Variants in C11orf97 observed in about 807,000 individuals in gnomAD.
The protein encoded by C11orf97 is uncharacterized protein C11orf97.
C11orf97 carries 15 observed loss-of-function variants against 16.2 expected under a neutral mutation model. The ratio of observed to expected loss-of-function variants is 0.93; its 90% CI spans 0.62 to 1.43. C11orf97 has a LOEUF of 1.43. Among genes scored for constraint, C11orf97 ranks in the 40% most tolerant of loss-of-function variants. The pLI is 0.00. For synonymous variants in C11orf97, 61 were observed against 65.7 expected (o/e 0.93, Z 0.34); for missense variants, 171 against 161.2 (o/e 1.06, Z -0.33).
At chr11:94,520,173 T>C (rs1238458267) in intron 2 of C11orf97, among the ~76,000 whole-genome samples, 4 of 152,242 alleles carry the variant, frequency 2.6e-5, no homozygotes, top group African/African-American at 4.8e-5. Flanking sequence ...CTTTCCAAGA[T>C]TGCAAATAGC....
Position 94,525,745 on chromosome 11 carries a change from T to C in C11orf97, c.251-2339T>C, listed in dbSNP as rs555191529. 5.6e-4 allele frequency among the ~76,000 whole-genome samples: 85 copies of C among 152,324 alleles called. 1 individual carries two copies. Among genetic ancestry groups the C allele is most frequent in the African/African-American group, 2.0e-3 (84 of 41,574 alleles). ...TTGCACAAGAGAAGTACAGACGATATGGCTCTAAACTGGATTTTCAAGCTC... is the reference window on the plus strand; with the variant it reads ...TTGCACAAGAGAAGTACAGACGATACGGCTCTAAACTGGATTTTCAAGCTC... On this transcript the variant is annotated intron_variant, in intron 2 of 3. Coordinates refer to ENST00000542198, the MANE Select transcript of C11orf97 (RefSeq NM_001190462.2).
chr11:94,528,874 A>G (rs2135185912), intron 3 of C11orf97, among the ~76,000 whole-genome samples: 1 of 152,270 alleles, frequency 6.6e-6, no homozygotes, highest in African/African-American at 2.4e-5. Context: ...CAATTGGGAG[A>G]TTACCCTGGG....
chr11:94,515,414 C>T (rs933474865), intron 1 of C11orf97, among the ~76,000 whole-genome samples: 1 of 152,080 alleles, frequency 6.6e-6, no homozygotes, highest in Admixed American at 6.5e-5. Context: ...AGCTTCTCAT[C>T]CTCTATACAC....
intron 2 of C11orf97, among the ~76,000 whole-genome samples, chr11:94,527,215 T>C (rs777153448): frequency 1.1e-4 from 17 of 152,328 alleles, no homozygotes; most frequent in Middle Eastern, 3.4e-3. Context: ...AATTACTTGC[T>C]ATGGAATCCT....
intron 2 of C11orf97, among the ~76,000 whole-genome samples, chr11:94,525,056 C>G (rs1591749276): frequency 1.4e-5 from 2 of 140,588 alleles, no homozygotes; most frequent in East Asian, 2.1e-4. Flanking sequence ...AAGACTCCAT[C>G]TCAAGAAAAA....
intron 3 of C11orf97, among the ~76,000 whole-genome samples, chr11:94,528,833 G>T (rs1947718300): frequency 1.3e-5 from 2 of 152,180 alleles, no homozygotes; most frequent in South Asian, 4.1e-4. Flanking sequence ...GGGACATGCA[G>T]CTGTGTATAT....
intron 2 of C11orf97, among the ~76,000 whole-genome samples, chr11:94,527,206 A>C (rs961912830): frequency 1.3e-5 from 2 of 152,220 alleles, no homozygotes; most frequent in Non-Finnish European, 2.9e-5. Flanking sequence ...GCTGCTAGTA[A>C]TTACTTGCTA....
intron 1 of C11orf97, among the ~76,000 whole-genome samples, chr11:94,516,637 G>T (rs1209398641): frequency 6.6e-6 from 1 of 151,720 alleles, no homozygotes; most frequent in East Asian, 1.9e-4. Context: ...ATAAAAAAAT[G>T]AAGCTGTATC....
rs10560506 is a variant in C11orf97 at position 94,512,944 on chromosome 11, AACACAC to A, written c.145+289_145+294del. On this transcript the variant is annotated intron_variant, in intron 1 of 3. Transcript: ENST00000542198. ...TAGTGGCGTTATTCTGAAAGGAATTAACACACACACACACACACACACATTTATATG... is the reference window on the plus strand; with the variant it reads ...TAGTGGCGTTATTCTGAAAGGAATTAACACACACACACACACATTTATATG... Among the ~76,000 whole-genome samples the A allele has an allele frequency of 3.0e-4, 45 of 150,780 alleles. No individual in the cohort carries two copies. In the East Asian group the frequency reaches 8.0e-3, roughly 27 times the overall value.
intron 2 of C11orf97, among the ~76,000 whole-genome samples, chr11:94,523,427 G>A (rs899772204): frequency 2.0e-5 from 3 of 152,254 alleles, no homozygotes; most frequent in Middle Eastern, 3.2e-3. Flanking sequence ...TGAGATTTCA[G>A]TAAGAGTCCA....
chr11:94,519,133 C>G (rs552894222), intron 2 of C11orf97, among the ~76,000 whole-genome samples: 4 of 152,262 alleles, frequency 2.6e-5, no homozygotes, highest in Non-Finnish European at 5.9e-5. Flanking sequence ...TGGTCTTGAA[C>G]TCCTGACCTC....
At chr11:94,519,483 A>C (rs1947639674) in intron 2 of C11orf97, among the ~76,000 whole-genome samples, 1 of 152,196 alleles carries the variant, frequency 6.6e-6, no homozygotes, top group South Asian at 2.1e-4. Flanking sequence ...TTGTTTTAAA[A>C]ATCTACATAA....
intron 3 of C11orf97, among the ~76,000 whole-genome samples, chr11:94,530,043 A>C (rs1421845029): frequency 6.6e-6 from 1 of 152,230 alleles, no homozygotes; most frequent in Non-Finnish European, 1.5e-5. Context: ...ATTGAATAAC[A>C]AATTTCCTTT....
At chr11:94,517,041 G>A (rs1416234903) in intron 1 of C11orf97, among the ~76,000 whole-genome samples, 1 of 152,222 alleles carries the variant, frequency 6.6e-6, no homozygotes, top group Non-Finnish European at 1.5e-5. Context: ...GACTGTAGTA[G>A]TCATGTCCTA....
chr11:94,512,810 A>G (rs988982233), intron 1 of C11orf97, 137 bp downstream of exon 1: 2 of 950,830 alleles, frequency 2.1e-6, no homozygotes, highest in African/African-American at 3.4e-5. Context: ...CTTTTGGCAG[A>G]ACCAGAGATG....
intron 1 of C11orf97, among the ~76,000 whole-genome samples, chr11:94,513,830 A>T (rs548413691): frequency 1.3e-3 from 195 of 152,216 alleles, no homozygotes; most frequent in Non-Finnish European, 2.2e-3. Flanking sequence ...GATTATTATT[A>T]TTTTTAGACA....
At chr11:94,516,286 A>G (rs1050753617) in intron 1 of C11orf97, among the ~76,000 whole-genome samples, 3 of 152,146 alleles carry the variant, frequency 2.0e-5, no homozygotes, top group African/African-American at 7.2e-5. Flanking sequence ...TATATATGTG[A>G]GTTTAAAATC....
At position 94,531,986 on chromosome 11, in the gene C11orf97, T is replaced by G; in HGVS notation, c.*86T>G. 8.6e-7 allele frequency: 1 copy of G among 1,158,078 alleles called. No homozygotes were observed. The allele number at this position is 1,158,078 out of a possible 1,614,324, so 71.7% of individuals were successfully genotyped here. ...AGAAACTCAAGCTTGTTTCAGGATT[T>G]AAGATGTGTGCAAAAAAATGATAGC... On this transcript the variant is annotated 3_prime_UTR_variant, in exon 4 of 4. Transcript: ENST00000542198.
intron 1 of C11orf97, among the ~76,000 whole-genome samples, chr11:94,514,252 C>A (rs78699474): frequency 2.4e-5 from 1 of 41,414 alleles, no homozygotes; most frequent in South Asian, 4.8e-4. Context: ...ACATGCTAGG[C>A]ATTCCACAAG....
Sources: gnomAD v4.1 joint callset for allele counts (sites outside exome capture counted in the v4.1 genomes callset) on GRCh38, gnomAD v4.1.1 for gene constraint, MANE v1.5 for transcripts, NCBI Gene and HGNC (gene_info 2026-07-23, HGNC 2026-07-21) for gene names.